The following BBS9 variants were observed in gnomAD, a reference collection of about 807,000 sequenced individuals.
BBS9 encodes Bardet-Biedl syndrome 9, also known as protein PTHB1.
In BBS9, 89 loss-of-function variants were observed where a neutral mutation model predicts 117.7. The observed-to-expected ratio is 0.76, with a 90% CI of 0.64 to 0.90. The LOEUF is 0.90. Ranked by LOEUF, BBS9 falls within the 40% of genes least tolerant of loss-of-function variation. The pLI is 0.00. For missense variants in BBS9, 982 were observed against 1,042.2 expected, an observed-to-expected ratio of 0.94 and a Z score of 0.80; for synonymous variants, 379 against 370.9, an observed-to-expected ratio of 1.02 and a Z score of -0.25.
rs563132109 is a variant in BBS9 at position 33,219,113 on chromosome 7, A to G, written c.443-38123A>G. Among the ~76,000 whole-genome samples, 38 of 152,282 alleles carry G rather than the reference A, an allele frequency of 2.5e-4. 1 individual carries two copies. In the South Asian group the frequency reaches 5.2e-3, roughly 21 times the overall value. On this transcript the variant is annotated intron_variant, in intron 5 of 22. Transcript: ENST00000242067. ...GGCCCTGGGCAATGAGGGGCTTAGC[A>G]CCCAGGCCAGCAGCTGCGGAGGGTA...
At chr7:33,422,123 T>A (rs894863674) in intron 19 of BBS9, among the ~76,000 whole-genome samples, 1 of 152,196 alleles carries the variant, frequency 6.6e-6, no homozygotes, top group South Asian at 2.1e-4. Context: ...GTGCTTTTTC[T>A]TGTAAATATA....
At chr7:33,135,923 C>CTT (rs61497361) in intron 1 of BBS9, among the ~76,000 whole-genome samples, 66 of 144,826 alleles carry the variant, frequency 4.6e-4, no homozygotes, top group African/African-American at 1.6e-3. Flanking sequence ...CCTAAGTATT[C>CTT]TTTTTTTTTT....
At chr7:33,242,905 A>G in intron 5 of BBS9, 8 of 517,998 alleles carry the variant, frequency 1.5e-5, no homozygotes, top group Non-Finnish European at 3.1e-5. Context: ...AGGTTAGAAG[A>G]CGTAGTGTTG....
At chr7:33,351,625 G>T (rs1286045129) in intron 14 of BBS9, among the ~76,000 whole-genome samples, 1 of 152,110 alleles carries the variant, frequency 6.6e-6, no homozygotes, top group Non-Finnish European at 1.5e-5. Context: ...TGAACCAAAG[G>T]CTAGTATTGA....
intron 5 of BBS9, among the ~76,000 whole-genome samples, chr7:33,228,777 G>A (rs1791776398): frequency 6.6e-6 from 1 of 152,088 alleles, no homozygotes; most frequent in Non-Finnish European, 1.5e-5. Context: ...CTTCATCTTT[G>A]TCATCTTCAC....
intron 5 of BBS9, among the ~76,000 whole-genome samples, chr7:33,221,395 G>A (rs1490648003): frequency 6.6e-6 from 1 of 152,104 alleles, no homozygotes; most frequent in African/African-American, 2.4e-5. Flanking sequence ...AATTGCGTAT[G>A]AGACTGAAAT....
intron 5 of BBS9, among the ~76,000 whole-genome samples, chr7:33,248,411 A>C (rs1457458568): frequency 6.6e-6 from 1 of 152,186 alleles, no homozygotes; most frequent in Non-Finnish European, 1.5e-5. Flanking sequence ...AGTAATAAGA[A>C]AGAAGCTAGC....
intron 9 of BBS9, among the ~76,000 whole-genome samples, chr7:33,323,148 G>A (rs1163584205): frequency 6.6e-6 from 1 of 151,876 alleles, no homozygotes; most frequent in East Asian, 1.9e-4. Context: ...TTGTTTTGTG[G>A]CCTAACATTT....
At position 33,482,455 on chromosome 7, in the gene BBS9, A is replaced by G. The variant is rs1842625382; in HGVS notation, c.2116-23008A>G. Among the ~76,000 whole-genome samples, 6 of 152,304 alleles carry G rather than the reference A, an allele frequency of 3.9e-5. No homozygotes were observed. In the South Asian group the frequency reaches 1.2e-3, roughly 32 times the overall value. On this transcript the variant is annotated intron_variant, in intron 19 of 22. Transcript: ENST00000242067. Reference sequence around the variant, plus strand: ...GCCTGTTTTTTAGGTTTAACTGGTAACATAGGGGAGATGCCATGAAGGATG... The same window carrying G: ...GCCTGTTTTTTAGGTTTAACTGGTAGCATAGGGGAGATGCCATGAAGGATG...
rs1299766144 is a variant in BBS9, at chr7:33,604,929, A to G, written c.2586A>G (p.Glu862=). 3 of 1,613,856 alleles carry G rather than the reference A, an allele frequency of 1.9e-6. No individual in the cohort carries two copies. The highest frequency in any genetic ancestry group is 2.5e-6 in the Non-Finnish European group (3 of 1,179,832). ...EERSVEQDST[E]LFTNHRHLTA... is the part of the protein sequence containing the mutation. Reference sequence around the variant, plus strand: ...GATCAGTAGAACAAGACTCTACAGAACTGTTTACCAACCACAGACATCTCA... The same window carrying G: ...GATCAGTAGAACAAGACTCTACAGAGCTGTTTACCAACCACAGACATCTCA... The change falls in exon 22 of 23, where the codon GAA becomes GAG. Residue 862 remains glutamate (E), a synonymous_variant. Coordinates refer to ENST00000242067, the MANE Select transcript of BBS9 (RefSeq NM_198428.3).
intron 20 of BBS9, among the ~76,000 whole-genome samples, chr7:33,522,336 T>G (rs1372015444): frequency 3.3e-5 from 5 of 151,702 alleles, no homozygotes; most frequent in Non-Finnish European, 4.4e-5. Flanking sequence ...ACTTCCACAA[T>G]GGTTGAACTA....
At chr7:33,456,075 G>T (rs1298780131) in intron 19 of BBS9, among the ~76,000 whole-genome samples, 1 of 152,180 alleles carries the variant, frequency 6.6e-6, no homozygotes, top group African/African-American at 2.4e-5. Flanking sequence ...CAGCCAAGAT[G>T]TGAGTGTTAT....
chr7:33,632,295 C>G (rs1055910630), intron 21 of BBS9, among the ~76,000 whole-genome samples: 3 of 152,208 alleles, frequency 2.0e-5, no homozygotes, highest in African/African-American at 7.2e-5. Context: ...GAGAAATGTT[C>G]ACTCTTCAAT....
intron 21 of BBS9, among the ~76,000 whole-genome samples, chr7:33,567,433 T>G (rs1262091486): frequency 2.6e-5 from 4 of 152,174 alleles, no homozygotes; most frequent in Non-Finnish European, 1.5e-5. Flanking sequence ...TTGGTGCTGC[T>G]GACGATTTTC....
At chr7:33,410,409 T>C (rs1055554964) in intron 19 of BBS9, among the ~76,000 whole-genome samples, 2 of 152,176 alleles carry the variant, frequency 1.3e-5, no homozygotes, top group African/African-American at 2.4e-5. Context: ...CTCATTTGCC[T>C]AAAATCTTAG....
At chr7:33,457,866 TA>T (rs1838872565) in intron 19 of BBS9, among the ~76,000 whole-genome samples, 1 of 152,180 alleles carries the variant, frequency 6.6e-6, no homozygotes, top group African/African-American at 2.4e-5. Flanking sequence ...GCCCATTCCA[TA>T]AATCACCCTA....
chr7:33,200,110 G>C (rs1243317309), intron 5 of BBS9, among the ~76,000 whole-genome samples: 1 of 151,638 alleles, frequency 6.6e-6, no homozygotes, highest in African/African-American at 2.4e-5. Flanking sequence ...TACCACAGTG[G>C]TAGAAGTTTT....
At chr7:33,404,370 A>G (rs1584683385) in intron 19 of BBS9, among the ~76,000 whole-genome samples, 1 of 152,058 alleles carries the variant, frequency 6.6e-6, no homozygotes, top group African/African-American at 2.4e-5. Context: ...GTTTTTTCCA[A>G]TTCTGTGAAG....
At chr7:33,518,858 A>C (rs1470773539) in intron 20 of BBS9, among the ~76,000 whole-genome samples, 1 of 152,188 alleles carries the variant, frequency 6.6e-6, no homozygotes. Flanking sequence ...ATTGACACTA[A>C]CATTGAATGA....
Sources: allele counts gnomAD v4.1 joint callset (sites outside exome capture counted in the v4.1 genomes callset), GRCh38; gene constraint gnomAD v4.1.1; transcripts MANE v1.5; gene names NCBI Gene and HGNC (gene_info 2026-07-23, HGNC 2026-07-21).